The following MED13L variants were observed in gnomAD, a reference collection of about 807,000 sequenced individuals.
MED13L encodes mediator complex subunit 13L, also known as mediator of RNA polymerase II transcription subunit 13-like.
MED13L carries 7 observed loss-of-function variants against 220.9 expected under a neutral mutation model. The observed-to-expected ratio is 0.03, with a 90% CI of 0.02 to 0.06. The LOEUF is 0.06. Ranked by LOEUF, MED13L falls within the 10% of genes least tolerant of loss-of-function variation. The probability of loss-of-function intolerance (pLI) is 1.00; values close to 1 mark genes in which losing one functional copy is unlikely to be tolerated. For missense variants in MED13L, 1,965 were observed against 2,760.5 expected, an observed-to-expected ratio of 0.71 and a Z score of 6.46; for synonymous variants, 1,011 against 1,015.2, an observed-to-expected ratio of 1.00 and a Z score of 0.08.
At chr12:116,199,187 C>A (rs539190852) in intron 2 of MED13L, among the ~76,000 whole-genome samples, 1 of 152,272 alleles carries the variant, frequency 6.6e-6, no homozygotes, top group South Asian at 2.1e-4. Context: ...TATCTTGTCT[C>A]TTCCATCTTC....
intron 3 of MED13L, among the ~76,000 whole-genome samples, chr12:116,108,099 A>T (rs1873742208): frequency 6.6e-6 from 1 of 151,912 alleles, no homozygotes; most frequent in Non-Finnish European, 1.5e-5. Context: ...CAAAACAAAC[A>T]AACAAACAAA....
intron 21 of MED13L, 82 bp downstream of exon 21, chr12:115,983,035 G>A (rs1877437132): frequency 2.1e-6 from 3 of 1,439,466 alleles, no homozygotes; most frequent in Admixed American, 1.7e-5. Context: ...AGAATCATGA[G>A]GTCAAGGGAG....
At chr12:116,011,851 A>G (rs916739801) in intron 9 of MED13L, among the ~76,000 whole-genome samples, 1 of 152,254 alleles carries the variant, frequency 6.6e-6, no homozygotes, top group African/African-American at 2.4e-5. Context: ...GGAGAAGAGG[A>G]AAACGTGTCA....
At chr12:116,168,753 G>T (rs1368181891) in intron 2 of MED13L, among the ~76,000 whole-genome samples, 1 of 152,192 alleles carries the variant, frequency 6.6e-6, no homozygotes, top group East Asian at 1.9e-4. Context: ...CTAGCCTAAA[G>T]AAGTGGTCTC....
intron 4 of MED13L, among the ~76,000 whole-genome samples, chr12:116,074,948 G>C (rs1306640577): frequency 2.0e-5 from 3 of 152,234 alleles, no homozygotes; most frequent in Admixed American, 1.3e-4. Context: ...TATTGCGCAA[G>C]CAAGGTTCAT....
At chr12:116,263,887 T>C (rs1321047022) in intron 1 of MED13L, among the ~76,000 whole-genome samples, 3 of 152,136 alleles carry the variant, frequency 2.0e-5, no homozygotes, top group Non-Finnish European at 2.9e-5. Flanking sequence ...ATCAATGGAT[T>C]GCTAAACCCA....
At chr12:115,969,814 G>A (rs746925007) in intron 27 of MED13L, among the ~76,000 whole-genome samples, 17 of 152,074 alleles carry the variant, frequency 1.1e-4, no homozygotes, top group Non-Finnish European at 1.8e-4. Flanking sequence ...ATAAGCCACC[G>A]TGCCTGGCCC....
At chr12:116,107,768 A>T (rs1370788304) in intron 3 of MED13L, among the ~76,000 whole-genome samples, 1 of 152,226 alleles carries the variant, frequency 6.6e-6, no homozygotes, top group Non-Finnish European at 1.5e-5. Context: ...ACACTCTCCA[A>T]GTGATAAAGT....
At chr12:116,159,448 C>T (rs17498599) in intron 2 of MED13L, among the ~76,000 whole-genome samples, 22,875 of 152,128 alleles carry the variant, frequency 0.15, 1,943 homozygotes, top group Middle Eastern at 0.22. Flanking sequence ...TACCAGAATA[C>T]AATTTCCTCT....
chr12:116,113,882 G>T (rs1249627381), intron 2 of MED13L, among the ~76,000 whole-genome samples: 1 of 146,808 alleles, frequency 6.8e-6, no homozygotes, highest in Non-Finnish European at 1.5e-5. Context: ...AGAAGGGGGA[G>T]ATCGATCAAG....
At chr12:116,142,485 C>T (rs182179091) in intron 2 of MED13L, among the ~76,000 whole-genome samples, 2 of 152,136 alleles carry the variant, frequency 1.3e-5, no homozygotes, top group African/African-American at 2.4e-5. Context: ...GGCAGGAGTT[C>T]GAGACCAGCC....
intron 1 of MED13L, among the ~76,000 whole-genome samples, chr12:116,255,001 C>T (rs1482124475): frequency 6.6e-6 from 1 of 152,102 alleles, no homozygotes; most frequent in East Asian, 1.9e-4. Context: ...AATACAATCA[C>T]AAATAAATCC....
intron 2 of MED13L, among the ~76,000 whole-genome samples, chr12:116,199,201 C>A (rs765290082): frequency 6.6e-6 from 1 of 152,138 alleles, no homozygotes; most frequent in African/African-American, 2.4e-5. Flanking sequence ...CATCTTCTGT[C>A]CAATATCAGT....
At chr12:116,047,327 G>C (rs1359066916) in intron 4 of MED13L, among the ~76,000 whole-genome samples, 1 of 152,190 alleles carries the variant, frequency 6.6e-6, no homozygotes, top group Non-Finnish European at 1.5e-5. Context: ...ACCCCAGCCT[G>C]GGTGACAGAG....
rs756009695 is a variant in MED13L at position 116,012,884 on chromosome 12, G to A, written c.1193C>T (p.Thr398Ile). The A allele has an allele frequency of 1.2e-6, 2 of 1,613,744 alleles. No homozygotes were observed. The highest frequency in any genetic ancestry group is 2.2e-5 in the East Asian group (1 of 44,866). Residue 398 changes from threonine to isoleucine, a missense_variant, in exon 9 of 31, where the codon ACT becomes ATT. Physicochemically the swap from Thr to Ile is moderately conservative, Grantham distance 89. Coordinates refer to ENST00000281928, the MANE Select transcript of MED13L (RefSeq NM_015335.5). ...RTQSKRSQMS[T>I]PTLEEEPASN... ...AGCAGGCTCTTCTTCAAGAGTTGGAGTTGACATTTGGCTCCTCCTAAAAGG... is the reference window on the plus strand; with the variant it reads ...AGCAGGCTCTTCTTCAAGAGTTGGAATTGACATTTGGCTCCTCCTAAAAGG...
chr12:116,123,779 T>A (rs1875301747), intron 2 of MED13L, among the ~76,000 whole-genome samples: 1 of 152,160 alleles, frequency 6.6e-6, no homozygotes, highest in African/African-American at 2.4e-5. Flanking sequence ...CTTGCTACAA[T>A]AATCTTAAAG....
chr12:116,164,281 A>T (rs903738278), intron 2 of MED13L, among the ~76,000 whole-genome samples: 3 of 152,240 alleles, frequency 2.0e-5, no homozygotes, highest in African/African-American at 7.2e-5. Context: ...AGACAGATAT[A>T]AAAATGTATT....
intron 2 of MED13L, among the ~76,000 whole-genome samples, chr12:116,152,973 G>C (rs1046456062): frequency 6.6e-6 from 1 of 151,992 alleles, no homozygotes; most frequent in Non-Finnish European, 1.5e-5. Context: ...CCGAGTCTGT[G>C]AGATCTGGAG....
chr12:116,170,197 T>C (rs1879572333), intron 2 of MED13L, among the ~76,000 whole-genome samples: 1 of 152,158 alleles, frequency 6.6e-6, no homozygotes, highest in Admixed American at 6.5e-5. Context: ...AAAATAACAA[T>C]TATTAATGCC....
Sources: gnomAD v4.1 joint callset for allele counts (sites outside exome capture counted in the v4.1 genomes callset) on GRCh38, gnomAD v4.1.1 for gene constraint, MANE v1.5 for transcripts, NCBI Gene and HGNC (gene_info 2026-07-23, HGNC 2026-07-21) for gene names.